The following CACNA2D3 variants were observed in gnomAD, a reference collection of about 807,000 sequenced individuals.
CACNA2D3 encodes the protein voltage-dependent calcium channel subunit alpha-2/delta-3.
In CACNA2D3, 60 loss-of-function variants were observed where a neutral mutation model predicts 160.6. The ratio of observed to expected loss-of-function variants is 0.37; its 90% CI spans 0.30 to 0.46. The LOEUF (loss-of-function observed/expected upper bound fraction) is 0.46, where lower values mean the gene tolerates loss of function less well. CACNA2D3 is among the 20% of genes least tolerant of loss of function. The probability of loss-of-function intolerance (pLI) is 1.00; values close to 1 mark genes in which losing one functional copy is unlikely to be tolerated. For synonymous variants in CACNA2D3, 558 were observed against 492.9 expected (o/e 1.13, Z -1.75); for missense variants, 1,205 against 1,365.0 (o/e 0.88, Z 1.85).
intron 4 of CACNA2D3, among the ~76,000 whole-genome samples, chr3:54,483,650 A>G (rs1177398339): frequency 6.6e-6 from 1 of 152,240 alleles, no homozygotes; most frequent in Non-Finnish European, 1.5e-5. Flanking sequence ...CACAAAAATA[A>G]ATAGGGAAGT....
chr3:54,809,040 T>G lies in CACNA2D3; in HGVS notation c.1381-7813T>G, dbSNP rs1022817726. Among the ~76,000 whole-genome samples the G allele has an allele frequency of 3.9e-5, 6 of 152,150 alleles. No homozygotes were observed. In the South Asian group the frequency reaches 8.3e-4, roughly 21 times the overall value. On this transcript the variant is annotated intron_variant, in intron 13 of 37. Transcript: ENST00000474759. ...ACATTAATCTCATGAAATAATGTTA[T>G]TACTACTGTTTTACGGATGAGACCT...
chr3:54,203,107 G>T (rs964345188), intron 2 of CACNA2D3, among the ~76,000 whole-genome samples: 3 of 152,214 alleles, frequency 2.0e-5, no homozygotes, highest in Non-Finnish European at 2.9e-5. Flanking sequence ...TTCTGCATGT[G>T]TCTTTGACAG....
chr3:54,648,032 A>T (rs1699686713), intron 11 of CACNA2D3, among the ~76,000 whole-genome samples: 1 of 152,216 alleles, frequency 6.6e-6, no homozygotes. Flanking sequence ...TGCTTTTCCA[A>T]GTGAACTAAA....
chr3:54,804,666 C>G (rs1359386392), intron 13 of CACNA2D3, among the ~76,000 whole-genome samples: 1 of 152,100 alleles, frequency 6.6e-6, no homozygotes, highest in Non-Finnish European at 1.5e-5. Flanking sequence ...AACAAGGAAA[C>G]TCAGGAATTG....
At chr3:54,664,690 C>T (rs916952925) in intron 11 of CACNA2D3, among the ~76,000 whole-genome samples, 4 of 152,220 alleles carry the variant, frequency 2.6e-5, no homozygotes, top group Non-Finnish European at 5.9e-5. Context: ...GGTGCCAAGG[C>T]CATTTCGTGG....
Position 54,650,179 on chromosome 3 carries a change from A to G in CACNA2D3, c.1167+7938A>G, listed in dbSNP as rs1393272018. 2.8e-5 allele frequency among the ~76,000 whole-genome samples: 4 copies of G among 142,366 alleles called. No individual in the cohort carries two copies. In the Admixed American group the frequency reaches 2.8e-4, roughly 10 times the overall value. 93.4% of individuals were successfully genotyped at this position (142,366 alleles called of 152,430 possible). A position where few individuals can be genotyped will look rare whatever the true frequency, so the allele number is the denominator to read the frequency against. ...GTGATATTTCAAACAATTGTAGGGT[A>G]GCTTGTTTTTTTGTTTTTTGTTTTT... On this transcript the variant is annotated intron_variant, in intron 11 of 37. Coordinates refer to ENST00000474759, the MANE Select transcript of CACNA2D3 (RefSeq NM_018398.3).
At chr3:54,438,014 AG>A (rs1307070851) in intron 4 of CACNA2D3, among the ~76,000 whole-genome samples, 1 of 152,214 alleles carries the variant, frequency 6.6e-6, no homozygotes, top group East Asian at 1.9e-4. Flanking sequence ...TGAGTTCTGT[AG>A]AGGCTTGTTT....
At chr3:54,321,934 A>C (rs950055736) in intron 3 of CACNA2D3, among the ~76,000 whole-genome samples, 2 of 152,016 alleles carry the variant, frequency 1.3e-5, no homozygotes, top group African/African-American at 4.8e-5. Context: ...AAAAAAAAAA[A>C]AAAAAAAACT....
chr3:54,194,981 G>A (rs1348634388), intron 2 of CACNA2D3, among the ~76,000 whole-genome samples: 1 of 152,164 alleles, frequency 6.6e-6, no homozygotes, highest in East Asian at 1.9e-4. Context: ...TCTCTCGCCG[G>A]TTGTACCTAC....
chr3:55,074,176 C>G lies in CACNA2D3; in HGVS notation c.3246C>G (p.Leu1082=), dbSNP rs375445125. The change falls in exon 38 of 38, where the codon CTC becomes CTG. Residue 1082 remains leucine (L), a synonymous_variant. Transcript: ENST00000474759. ...AAGCCCAGACAGTCCTCCTTCTGCTCCCTCTGCTTTTGATGCTCTTCTCAA... is the reference window on the plus strand; with the variant it reads ...AAGCCCAGACAGTCCTCCTTCTGCTGCCTCTGCTTTTGATGCTCTTCTCAA... ...SLQAQTVLLL[L]PLLLMLFSR 7.1e-5 allele frequency: 114 copies of G among 1,613,792 alleles called. No individual in the cohort carries two copies. The African/African-American group carries it at 1.1e-3, about 16-fold the overall frequency.
intron 9 of CACNA2D3, among the ~76,000 whole-genome samples, chr3:54,623,841 A>G (rs1340704229): frequency 1.3e-5 from 2 of 152,194 alleles, no homozygotes; most frequent in African/African-American, 4.8e-5. Context: ...TTAAATGTAA[A>G]TTCTACATGT....
intron 9 of CACNA2D3, among the ~76,000 whole-genome samples, chr3:54,583,133 C>T (rs1167664359): frequency 3.9e-5 from 6 of 152,048 alleles, no homozygotes; most frequent in African/African-American, 1.2e-4. Context: ...AAGATCTCAT[C>T]CCTATTCCAA....
At chr3:54,790,587 C>G (rs1334221038) in intron 13 of CACNA2D3, among the ~76,000 whole-genome samples, 1 of 152,200 alleles carries the variant, frequency 6.6e-6, no homozygotes, top group Non-Finnish European at 1.5e-5. Context: ...CTTCTAGGTG[C>G]TCGGAATTCC....
At chr3:54,739,436 A>C (rs562211482) in intron 11 of CACNA2D3, among the ~76,000 whole-genome samples, 23 of 149,160 alleles carry the variant, frequency 1.5e-4, no homozygotes, top group South Asian at 1.1e-3. Flanking sequence ...AAAAAAAAAA[A>C]AAAAACAAAA....
intron 8 of CACNA2D3, among the ~76,000 whole-genome samples, chr3:54,576,700 G>T (rs1702587890): frequency 6.6e-6 from 1 of 152,024 alleles, no homozygotes; most frequent in African/African-American, 2.4e-5. Flanking sequence ...ATTTTTGGAG[G>T]GACTGTTGCA....
At chr3:54,915,648 T>C (rs1700645604) in intron 27 of CACNA2D3, among the ~76,000 whole-genome samples, 2 of 152,230 alleles carry the variant, frequency 1.3e-5, no homozygotes, top group Admixed American at 1.3e-4. Flanking sequence ...TGCAATGTTT[T>C]TTACAGTTAA....
At chr3:54,894,120 A>G (rs566498290) in intron 25 of CACNA2D3, among the ~76,000 whole-genome samples, 5 of 152,274 alleles carry the variant, frequency 3.3e-5, no homozygotes, top group African/African-American at 9.6e-5. Flanking sequence ...TCTTCCCAGA[A>G]TCTAGACCAG....
intron 2 of CACNA2D3, among the ~76,000 whole-genome samples, chr3:54,210,802 T>C (rs1041488228): frequency 6.6e-6 from 1 of 152,188 alleles, no homozygotes; most frequent in African/African-American, 2.4e-5. Context: ...TGACCTGTGC[T>C]GAGACTAAGA....
intron 3 of CACNA2D3, among the ~76,000 whole-genome samples, chr3:54,350,575 C>CT (rs1270726184): frequency 6.6e-6 from 1 of 152,200 alleles, no homozygotes; most frequent in Non-Finnish European, 1.5e-5. Flanking sequence ...ATAGTTCACA[C>CT]TTTCACATTT....
Sources: gnomAD v4.1 joint callset for allele counts (sites outside exome capture counted in the v4.1 genomes callset) on GRCh38, gnomAD v4.1.1 for gene constraint, MANE v1.5 for transcripts, NCBI Gene and HGNC (gene_info 2026-07-23, HGNC 2026-07-21) for gene names.